ACHE: variants seen among roughly 807,000 people sequenced by gnomAD.
ACHE encodes acetylcholinesterase.
ACHE carries 19 observed loss-of-function variants against 53.9 expected under a neutral mutation model. That is an observed-to-expected ratio of 0.35 (90% CI 0.25 to 0.52). The LOEUF is 0.52. ACHE is among the 20% of genes least tolerant of loss of function. ACHE has a pLI of 0.95. For synonymous variants in ACHE, 392 were observed against 378.1 expected (o/e 1.04, Z -0.43); for missense variants, 605 against 849.4 (o/e 0.71, Z 3.58).
intron 4 of ACHE, chr7:100,890,623 A>T: frequency 7.3e-7 from 1 of 1,376,504 alleles, no homozygotes; most frequent in Non-Finnish European, 9.4e-7. Context: ...GTTGGGGGAA[A>T]AAGAAGAGAC....
intron 1 of ACHE, among the ~76,000 whole-genome samples, chr7:100,895,294 C>G (rs1385483656): frequency 6.6e-6 from 1 of 152,280 alleles, no homozygotes; most frequent in South Asian, 2.1e-4. Flanking sequence ...CTAGGAAACC[C>G]GAGTGGCGCT....
intron 4 of ACHE, chr7:100,890,834 G>A: frequency 7.0e-7 from 1 of 1,421,906 alleles, no homozygotes. Flanking sequence ...CCTGTCCAGT[G>A]TGAGTCTCTC....
chr7:100,893,168 C>T lies in ACHE; in HGVS notation c.1065G>A (p.Leu355=). The T allele has an allele frequency of 1.2e-6, 2 of 1,613,716 alleles. No homozygotes were observed. The highest frequency in any genetic ancestry group is 2.2e-5 in the East Asian group (1 of 44,862). Residue 355 remains leucine (L), a synonymous_variant, in exon 2 of 5, where the codon CTG becomes CTA. Coordinates refer to ENST00000241069, the MANE Select transcript of ACHE (RefSeq NM_000665.5). ...ACGCCAGCTAGCCACTAGTTACCTG[C>T]AGGCCGTGGAAGTCTCCCGCGTTGA... ...ALINAGDFHG[L]QVLVGVVKDE... is the part of the protein sequence containing the mutation.
chr7:100,892,269 C>G lies in ACHE; in HGVS notation c.1553+65G>C. On this transcript the variant is annotated intron_variant, in intron 3 of 4. Transcript: ENST00000241069. The surrounding 1 kb of genome is among the most constrained non-coding windows in gnomAD (Gnocchi z 5.2). Reference sequence around the variant, plus strand: ...GTCCTTTCTGTCTCCGTGTGTCTGCCTTTGTGTGTCCTCCCGCCCCCGACT... The same window carrying G: ...GTCCTTTCTGTCTCCGTGTGTCTGCGTTTGTGTGTCCTCCCGCCCCCGACT... The G allele has an allele frequency of 6.8e-7, 1 of 1,466,706 alleles. No homozygotes were observed. The highest frequency in any genetic ancestry group is 1.6e-5 in the South Asian group (1 of 64,130). 90.9% of individuals were successfully genotyped at this position (1,466,706 alleles called of 1,614,324 possible). A position where few individuals can be genotyped will look rare whatever the true frequency, so the allele number is the denominator to read the frequency against.
rs1790669262 is a variant in ACHE at position 100,891,235 on chromosome 7, G to A, written c.1657C>T (p.Arg553Trp). Reference sequence around the variant, plus strand: ...GCGCAGGCCTGGGCGCGCAGCCCCCGCCGCACCTCCAGCGGCCGCAGGTCC... The same window carrying A: ...GCGCAGGCCTGGGCGCGCAGCCCCCACCGCACCTCCAGCGGCCGCAGGTCC... Reference protein sequence around the residue: ...SLDLRPLEVRRGLRAQACAFW... With the variant: ...SLDLRPLEVRWGLRAQACAFW... Residue 553 changes from arginine to tryptophan, a missense_variant, in exon 4 of 5, where the codon CGG (arginine) becomes TGG (tryptophan). This residue lies in a region of ACHE where 91 missense variants were observed against 83.2 expected (regional missense o/e 1.09). Transcript: ENST00000241069. 4 of 1,611,286 alleles carry A rather than the reference G, an allele frequency of 2.5e-6. No homozygotes were observed. Among genetic ancestry groups the A allele is most frequent in the Non-Finnish European group, 3.4e-6 (4 of 1,179,628 alleles).
chr7:100,890,833 T>C, intron 4 of ACHE: 1 of 1,419,202 alleles, frequency 7.0e-7, no homozygotes, highest in Non-Finnish European at 9.2e-7. Flanking sequence ...CCCTGTCCAG[T>C]GTGAGTCTCT....
At position 100,893,240 on chromosome 7, in the gene ACHE, C is replaced by T; in HGVS notation, c.993G>A (p.Val331=). Residue 331 remains valine, a synonymous_variant, in exon 2 of 5, where the codon GTG becomes GTA. Transcript: ENST00000241069. ...TGAGGAAGTCTCCATCTACCACAGG[C>T]ACGAAGGAGAACCGGAAGACGCTTT... ...PQESVFRFSF[V]PVVDGDFLSD... The T allele has an allele frequency of 6.2e-7, 1 of 1,614,124 alleles. No homozygotes were observed. The highest frequency in any genetic ancestry group is 2.2e-5 in the East Asian group (1 of 44,884).
chr7:100,890,052 C>T lies in ACHE; in HGVS notation c.*162G>A. On this transcript the variant is annotated 3_prime_UTR_variant, in exon 5 of 5. Coordinates refer to ENST00000241069, the MANE Select transcript of ACHE (RefSeq NM_000665.5). ...CGAAGGCACCGCGGGGGAGGGAGCT[C>T]AGCCTGAGACATGCAGAGGACCGGG... The T allele has an allele frequency of 3.6e-6, 3 of 826,168 alleles. No individual in the cohort carries two copies. The highest frequency in any genetic ancestry group is 5.5e-6 in the Non-Finnish European group (3 of 549,450). 51.2% of individuals were successfully genotyped at this position (826,168 alleles called of 1,614,324 possible).
chr7:100,893,761 C>A lies in ACHE; in HGVS notation c.472G>T (p.Ala158Ser). The change falls in exon 2 of 5, where the codon GCC (alanine) becomes TCC (serine). Residue 158 changes from alanine to serine, a missense_variant. This residue lies in a region of ACHE where 397 missense variants were observed against 632.5 expected (regional missense o/e 0.63). Transcript: ENST00000241069. ...CCATCGTACACGTCCAAGGAGGAGG[C>A]CCCACTGTAGAAGCCACCCCCATAG... ...WIYGGGFYSGASSLDVYDGRF... is the reference protein window; with the variant it reads ...WIYGGGFYSGSSSLDVYDGRF... The A allele has an allele frequency of 1.9e-6, 3 of 1,613,700 alleles. No homozygotes were observed. The highest frequency in any genetic ancestry group is 2.5e-6 in the Non-Finnish European group (3 of 1,180,030).
upstream of ACHE, chr7:100,896,137 C>A (rs1791030662): frequency 6.6e-6 from 1 of 152,334 alleles, no homozygotes; most frequent in Admixed American, 6.5e-5. Flanking sequence ...AGTAGACACC[C>A]ACGTGACAGA....
intron 1 of ACHE, 54 bp from the exon 2 acceptor site, chr7:100,894,306 G>C: frequency 7.7e-7 from 1 of 1,298,918 alleles, no homozygotes; most frequent in South Asian, 1.7e-5. Context: ...AGCCAGGAGG[G>C]AGGAGATTAG....
In ACHE at chr7:100,893,954, A is replaced by G. The variant is rs895009390; in HGVS notation, c.279T>C (p.Ala93=). The part of the protein sequence containing the change: ...PKQPWSGVVD[A]TTFQSVCYQY... ...GGTAGCAGACACTCTGGAAGGTTGT[A>G]GCGTCTACCACCCCTGACCAAGGCT... Residue 93 remains alanine, a synonymous_variant, in exon 2 of 5, where the codon GCT becomes GCC. Coordinates refer to ENST00000241069, the MANE Select transcript of ACHE (RefSeq NM_000665.5). 1.2e-6 allele frequency: 2 copies of G among 1,609,862 alleles called. No homozygotes were observed. Among genetic ancestry groups the G allele is most frequent in the Admixed American group, 3.4e-5 (2 of 59,160 alleles).
chr7:100,893,118 G>A (rs747317292), intron 2 of ACHE, 47 bp downstream of exon 2: 46 of 1,580,500 alleles, frequency 2.9e-5, no homozygotes, highest in Non-Finnish European at 3.5e-5. Flanking sequence ...GGGAGGGACC[G>A]TTGGGACCCA....
At chr7:100,895,483 G>C (rs1049455448) in intron 1 of ACHE, among the ~76,000 whole-genome samples, 3 of 152,150 alleles carry the variant, frequency 2.0e-5, no homozygotes, top group African/African-American at 7.2e-5. Flanking sequence ...GCGCAGCTCG[G>C]GTACCGCCCC....
rs1330515245 is a variant in ACHE at position 100,890,368 on chromosome 7, G to A, written c.1724-33C>T. ...CAGGGCGCCCAGCGAGGCGGGAGGGGAGGACGGCACGAGGAAGGTCGGGGA... is the reference window on the plus strand; with the variant it reads ...CAGGGCGCCCAGCGAGGCGGGAGGGAAGGACGGCACGAGGAAGGTCGGGGA... On this transcript the variant is annotated intron_variant, in intron 4 of 4. Transcript: ENST00000241069. The A allele has an allele frequency of 1.9e-6, 3 of 1,593,674 alleles. No individual in the cohort carries two copies. In the South Asian group the frequency reaches 3.4e-5, roughly 18 times the overall value.
chr7:100,890,559 G>A (rs80156244), intron 4 of ACHE: 2 of 1,394,574 alleles, frequency 1.4e-6, no homozygotes, highest in Non-Finnish European at 1.9e-6. Context: ...AGGAAGGAGA[G>A]AGGAGGAGAA....
At chr7:100,891,907 A>G (rs1282199239) in intron 3 of ACHE, among the ~76,000 whole-genome samples, 1 of 150,102 alleles carries the variant, frequency 6.7e-6, no homozygotes, top group African/African-American at 2.4e-5. Flanking sequence ...CACCTTCCCA[A>G]GTAGCTGGGA....
At chr7:100,890,673 C>T in intron 4 of ACHE, 3 of 1,333,660 alleles carry the variant, frequency 2.2e-6, no homozygotes, top group African/African-American at 1.5e-5. Context: ...GGGGGTGCTA[C>T]CCCGTCCGGG....
intron 1 of ACHE, 124 bp from the exon 2 acceptor site, chr7:100,894,376 G>C: frequency 1.7e-6 from 1 of 585,704 alleles, no homozygotes; most frequent in Non-Finnish European, 2.7e-6. Flanking sequence ...GGTTGGCAAA[G>C]ATGAGGGGAG....
Sources: gnomAD v4.1 joint callset for allele counts (sites outside exome capture counted in the v4.1 genomes callset) on GRCh38, gnomAD v4.1.1 for gene constraint, gnomAD v4.1.1 regional missense constraint, Gnocchi (gnomAD v3.1) non-coding constraint, MANE v1.5 for transcripts, NCBI Gene and HGNC (gene_info 2026-07-23, HGNC 2026-07-21) for gene names.